The following EEIG2 variants were observed in gnomAD, a reference collection of about 807,000 sequenced individuals.
The protein encoded by EEIG2 is family with sequence similarity 102 member B.
At chr1:108,628,479 G>A in the EEIG2 span, 1 of 1,614,084 alleles carries the variant, frequency 6.2e-7, no homozygotes, top group Admixed American at 1.7e-5. Flanking sequence ...ACATCAACAG[G>A]AGTTGAAAGT....
the EEIG2 span, among the ~76,000 whole-genome samples, chr1:108,586,072 CACAGT>C: frequency 6.6e-6 from 1 of 151,968 alleles, no homozygotes; most frequent in African/African-American, 2.4e-5. Context: ...CAGTATTTTT[CACAGT>C]ACTGGAGGAT....
the EEIG2 span, among the ~76,000 whole-genome samples, chr1:108,564,161 G>C: frequency 6.6e-6 from 1 of 152,026 alleles, no homozygotes; most frequent in African/African-American, 2.4e-5. Context: ...TGCTCATAGG[G>C]TAAAATTAAA....
chr1:108,603,487 C>T, the EEIG2 span, among the ~76,000 whole-genome samples: 2 of 152,200 alleles, frequency 1.3e-5, no homozygotes, highest in East Asian at 1.9e-4. Context: ...CGCTCAATCC[C>T]TTCTTGGATG....
the EEIG2 span, among the ~76,000 whole-genome samples, chr1:108,596,462 T>G: frequency 6.6e-6 from 1 of 152,084 alleles, no homozygotes; most frequent in African/African-American, 2.4e-5. Context: ...GTTTGTCACT[T>G]TAGCACAATC....
the EEIG2 span, among the ~76,000 whole-genome samples, chr1:108,634,453 G>C: frequency 6.6e-6 from 1 of 152,176 alleles, no homozygotes; most frequent in East Asian, 1.9e-4. Context: ...ACTAAACTCA[G>C]GCACACTCAT....
chr1:108,575,458 A>T, the EEIG2 span, among the ~76,000 whole-genome samples: 1 of 152,210 alleles, frequency 6.6e-6, no homozygotes, highest in African/African-American at 2.4e-5. Flanking sequence ...GGTGGAATGA[A>T]ATTCTGTATT....
At chr1:108,596,207 G>A in the EEIG2 span, among the ~76,000 whole-genome samples, 1 of 151,704 alleles carries the variant, frequency 6.6e-6, no homozygotes, top group African/African-American at 2.4e-5. Flanking sequence ...GGAAAAAAAG[G>A]CATCTAAAGT....
the EEIG2 span, among the ~76,000 whole-genome samples, chr1:108,573,553 T>G: frequency 6.6e-6 from 1 of 152,216 alleles, no homozygotes; most frequent in African/African-American, 2.4e-5. Flanking sequence ...AGAATTTGTT[T>G]GTATTTACAA....
chr1:108,612,163 T>G, the EEIG2 span: 1 of 1,571,016 alleles, frequency 6.4e-7, no homozygotes, highest in Non-Finnish European at 8.7e-7. Flanking sequence ...AATATAATTC[T>G]CTTTCTTTTC....
the EEIG2 span, among the ~76,000 whole-genome samples, chr1:108,570,944 G>A: frequency 6.6e-6 from 1 of 152,192 alleles, no homozygotes; most frequent in South Asian, 2.1e-4. Context: ...TGTACTCAGA[G>A]TGGGATATTA....
chr1:108,621,031 A>T, the EEIG2 span, among the ~76,000 whole-genome samples: 1 of 21,274 alleles, frequency 4.7e-5, no homozygotes, highest in Admixed American at 6.9e-4. Context: ...AGGTAGGGAC[A>T]CCCCAGGAGA....
At chr1:108,608,558 C>T in the EEIG2 span, among the ~76,000 whole-genome samples, 3 of 152,184 alleles carry the variant, frequency 2.0e-5, no homozygotes, top group Non-Finnish European at 1.5e-5. Flanking sequence ...CTTTCTGGTT[C>T]TTCACTAGAA....
At chr1:108,566,322 TG>T in the EEIG2 span, among the ~76,000 whole-genome samples, 1 of 152,166 alleles carries the variant, frequency 6.6e-6, no homozygotes, top group South Asian at 2.1e-4. Flanking sequence ...CACTTAGAAA[TG>T]GAATTATAGA....
At chr1:108,568,754 G>T in the EEIG2 span, among the ~76,000 whole-genome samples, 1 of 152,122 alleles carries the variant, frequency 6.6e-6, no homozygotes, top group Non-Finnish European at 1.5e-5. Flanking sequence ...TCAGGGTATT[G>T]TTCTCATCCA....
chr1:108,591,977 A>C, the EEIG2 span, among the ~76,000 whole-genome samples: 1 of 152,242 alleles, frequency 6.6e-6, no homozygotes, highest in African/African-American at 2.4e-5. Flanking sequence ...CAGGGGCTTA[A>C]TCATAAAGAG....
chr1:108,631,997 C>T, the EEIG2 span, among the ~76,000 whole-genome samples: 1 of 151,256 alleles, frequency 6.6e-6, no homozygotes, highest in Non-Finnish European at 1.5e-5. Flanking sequence ...GCCTGTAATC[C>T]CAGCTACTTG....
the EEIG2 span, among the ~76,000 whole-genome samples, chr1:108,624,492 T>C: frequency 4.6e-5 from 7 of 152,066 alleles, no homozygotes; most frequent in Admixed American, 4.6e-4. Context: ...GAAAAGATGC[T>C]TATACGTTAT....
chr1:108,613,648 ACT>A, the EEIG2 span, among the ~76,000 whole-genome samples: 55 of 151,626 alleles, frequency 3.6e-4, no homozygotes, highest in East Asian at 9.0e-3. Flanking sequence ...CAGTCATAAC[ACT>A]CTCTCCTTTC....
the EEIG2 span, chr1:108,612,257 A>G: frequency 6.2e-7 from 1 of 1,613,480 alleles, no homozygotes; most frequent in African/African-American, 1.3e-5. Context: ...GAAGGCTATG[A>G]TACCAAAAAT....
Sources: gnomAD v4.1 joint callset for allele counts (sites outside exome capture counted in the v4.1 genomes callset) on GRCh38, gnomAD v4.1.1 for gene constraint, MANE v1.5 for transcripts, NCBI Gene and HGNC (gene_info 2026-07-23, HGNC 2026-07-21) for gene names.